DDX60: variants seen among roughly 807,000 people sequenced by gnomAD.
DDX60 encodes probable ATP-dependent RNA helicase DDX60.
A neutral mutation model predicts 212.8 loss-of-function variants in DDX60; 165 were observed. That is an observed-to-expected ratio of 0.78 (90% CI 0.68 to 0.88). DDX60 has a LOEUF of 0.88. DDX60 is among the 40% of genes least tolerant of loss of function. The probability of loss-of-function intolerance (pLI) is 0.00; values close to 1 mark genes in which losing one functional copy is unlikely to be tolerated. For synonymous variants in DDX60, 703 were observed against 685.3 expected (o/e 1.03, Z -0.40); for missense variants, 1,905 against 2,003.9 (o/e 0.95, Z 0.94).
chr4:168,278,793 A>C (rs147683057), intron 14 of DDX60, among the ~76,000 whole-genome samples: 2,570 of 152,258 alleles, frequency 0.017, 60 homozygotes, highest in African/African-American at 0.057. Context: ...ACACCACTGC[A>C]CTCCAGTCTG....
intron 33 of DDX60, among the ~76,000 whole-genome samples, chr4:168,226,624 A>G (rs1733264539): frequency 1.3e-5 from 2 of 152,226 alleles, no homozygotes; most frequent in East Asian, 3.9e-4. Context: ...ATCAGGGTAA[A>G]TGGGGTATCC....
chr4:168,242,573 C>T (rs1309018851), intron 30 of DDX60, among the ~76,000 whole-genome samples: 1 of 152,118 alleles, frequency 6.6e-6, no homozygotes, highest in African/African-American at 2.4e-5. Context: ...TTGCATGGGG[C>T]CTGTGGTGCC....
intron 9 of DDX60, among the ~76,000 whole-genome samples, chr4:168,287,881 T>C (rs1735929124): frequency 6.6e-6 from 1 of 152,148 alleles, no homozygotes; most frequent in Admixed American, 6.5e-5. Context: ...TGAAGAAATA[T>C]TATGCATGCA....
intron 1 of DDX60, among the ~76,000 whole-genome samples, chr4:168,313,606 A>G (rs1418273594): frequency 6.6e-6 from 1 of 152,196 alleles, no homozygotes; most frequent in Non-Finnish European, 1.5e-5. Flanking sequence ...AACAGGCAAG[A>G]GAGAATTAAC....
chr4:168,285,582 C>T, intron 10 of DDX60, 84 bp from the exon 11 acceptor site: 2 of 796,722 alleles, frequency 2.5e-6, no homozygotes, highest in Non-Finnish European at 3.9e-6. Flanking sequence ...TCTAAAACTT[C>T]ATATTAAAAA....
chr4:168,322,396 G>T (rs605593), upstream of DDX60, among the ~76,000 whole-genome samples: 37 of 152,038 alleles, frequency 2.4e-4, no homozygotes, highest in Middle Eastern at 3.4e-3. Flanking sequence ...AGAATCTTGA[G>T]TCTCTTGACT....
At position 168,305,357 on chromosome 4, in the gene DDX60, G is replaced by A. The variant is rs1461193671; in HGVS notation, c.606+1022C>T. ...ACCATGTGGATATTTCCAAATACATGAGGAGTATGACATAATTCTCAAACA... is the reference window on the plus strand; with the variant it reads ...ACCATGTGGATATTTCCAAATACATAAGGAGTATGACATAATTCTCAAACA... On this transcript the variant is annotated intron_variant, in intron 5 of 37. Coordinates refer to ENST00000393743, the MANE Select transcript of DDX60 (RefSeq NM_017631.6). Among the ~76,000 whole-genome samples the A allele has an allele frequency of 2.0e-5, 3 of 152,214 alleles. No individual in the cohort carries two copies. The East Asian group carries it at 5.8e-4, about 29-fold the overall frequency.
intron 30 of DDX60, among the ~76,000 whole-genome samples, chr4:168,245,638 C>T (rs1180401747): frequency 6.6e-6 from 1 of 152,082 alleles, no homozygotes; most frequent in African/African-American, 2.4e-5. Context: ...CTAGAAGAAT[C>T]CCCCCTTCAG....
At chr4:168,238,671 T>G (rs1055473706) in intron 30 of DDX60, among the ~76,000 whole-genome samples, 2 of 152,026 alleles carry the variant, frequency 1.3e-5, no homozygotes, top group African/African-American at 4.8e-5. Flanking sequence ...GAGATGGCAA[T>G]AGTCAGAAAA....
chr4:168,229,449 C>A (rs1015938452), intron 33 of DDX60, among the ~76,000 whole-genome samples: 2 of 152,146 alleles, frequency 1.3e-5, no homozygotes, highest in African/African-American at 4.8e-5. Context: ...GAGAAGGAAA[C>A]TTCCAGCTGA....
intron 36 of DDX60, among the ~76,000 whole-genome samples, chr4:168,221,238 A>G (rs1250308555): frequency 1.3e-5 from 2 of 152,108 alleles, no homozygotes; most frequent in Admixed American, 6.6e-5. Context: ...TCAGTGCCCA[A>G]GTCAATTTCT....
intron 27 of DDX60, among the ~76,000 whole-genome samples, chr4:168,251,543 T>C (rs891265800): frequency 6.6e-6 from 1 of 152,108 alleles, no homozygotes; most frequent in South Asian, 2.1e-4. Flanking sequence ...GACTTAAAAA[T>C]ATCCAGGTCT....
At chr4:168,282,346 A>G (rs987127760) in intron 13 of DDX60, among the ~76,000 whole-genome samples, 1 of 152,176 alleles carries the variant, frequency 6.6e-6, no homozygotes, top group African/African-American at 2.4e-5. Context: ...CTGATGAACT[A>G]TCTGTCTCTC....
chr4:168,240,995 C>A (rs919752615), intron 30 of DDX60, among the ~76,000 whole-genome samples: 2 of 152,188 alleles, frequency 1.3e-5, no homozygotes, highest in Admixed American at 1.3e-4. Context: ...GTAATTGAAT[C>A]ATGGGGGCAG....
intron 6 of DDX60, among the ~76,000 whole-genome samples, chr4:168,300,298 T>C (rs1029577473): frequency 4.6e-5 from 7 of 152,042 alleles, no homozygotes; most frequent in African/African-American, 1.7e-4. Context: ...TCCCAACACT[T>C]TGGGAGGTCG....
At chr4:168,269,007 T>C in intron 19 of DDX60, 38 bp from the exon 20 acceptor site, 1 of 1,238,556 alleles carries the variant, frequency 8.1e-7, no homozygotes, top group Non-Finnish European at 1.1e-6. Flanking sequence ...ACTGAAAAGT[T>C]GATTTAAAAA....
chr4:168,270,863 T>C lies in DDX60; in HGVS notation c.2670+1180A>G, dbSNP rs1434719533. Among the ~76,000 whole-genome samples the C allele has an allele frequency of 3.4e-5, 5 of 147,424 alleles. No homozygotes were observed. The South Asian group carries it at 1.1e-3, about 31-fold the overall frequency. On this transcript the variant is annotated intron_variant, in intron 19 of 37. Coordinates refer to ENST00000393743, the MANE Select transcript of DDX60 (RefSeq NM_017631.6). ...TCTTTTAATAAATATTCCCCCTTTT[T>C]TTTCTTTCTTTCTTTTTTTTTTTTT...
At chr4:168,238,653 T>C (rs1315225910) in intron 30 of DDX60, among the ~76,000 whole-genome samples, 2 of 152,076 alleles carry the variant, frequency 1.3e-5, no homozygotes, top group Non-Finnish European at 2.9e-5. Flanking sequence ...ATATGCCACA[T>C]ATAGTCAGAG....
intron 33 of DDX60, among the ~76,000 whole-genome samples, chr4:168,228,551 T>C (rs372383307): frequency 6.0e-4 from 91 of 152,178 alleles, no homozygotes; most frequent in Non-Finnish European, 1.2e-3. Context: ...CCAGAGATTA[T>C]AAGATATAGC....
Sources: allele counts gnomAD v4.1 joint callset (sites outside exome capture counted in the v4.1 genomes callset), GRCh38; gene constraint gnomAD v4.1.1; transcripts MANE v1.5; gene names NCBI Gene and HGNC (gene_info 2026-07-23, HGNC 2026-07-21).